The following PIAS2 variants were observed in gnomAD, a reference collection of about 807,000 sequenced individuals.
The protein encoded by PIAS2 is E3 SUMO-protein ligase PIAS2.
In PIAS2, 19 loss-of-function variants were observed where a neutral mutation model predicts 69.7. The observed-to-expected ratio is 0.27, with a 90% CI of 0.19 to 0.40. The LOEUF is 0.40. Ranked by LOEUF, PIAS2 falls within the 10% of genes least tolerant of loss-of-function variation. The pLI, the probability that PIAS2 is intolerant of heterozygous loss-of-function variation, is 1.00. For synonymous variants in PIAS2, 261 were observed against 263.2 expected (o/e 0.99, Z 0.08); for missense variants, 624 against 757.0 (o/e 0.82, Z 2.06).
intron 2 of PIAS2, among the ~76,000 whole-genome samples, chr18:46,884,160 G>A (rs1490712613): frequency 1.3e-5 from 2 of 152,134 alleles, no homozygotes; most frequent in African/African-American, 4.8e-5. Context: ...ATATGGTAAT[G>A]TTCCTTTTTC....
intron 1 of PIAS2, among the ~76,000 whole-genome samples, chr18:46,905,339 A>G (rs966164017): frequency 5.3e-5 from 8 of 152,220 alleles, no homozygotes; most frequent in African/African-American, 1.9e-4. Flanking sequence ...AATATCACAC[A>G]CATCAAAACA....
intron 3 of PIAS2, among the ~76,000 whole-genome samples, chr18:46,858,186 T>C (rs1423931198): frequency 6.8e-6 from 1 of 147,226 alleles, no homozygotes; most frequent in African/African-American, 2.5e-5. Flanking sequence ...CTAGTCAGAG[T>C]ACAGGTTGTT....
chr18:46,885,687 A>G lies in PIAS2; in HGVS notation c.499+4893T>C, dbSNP rs373009343. ...TGACAGAGCGAGACTCCGTCTCAAA[A>G]AAAAAAAACAGTGATAGGTAGGATT... is the stretch of plus-strand genomic sequence containing the variant. On this transcript the variant is annotated intron_variant, in intron 2 of 13. Coordinates refer to ENST00000585916, the MANE Select transcript of PIAS2 (RefSeq NM_004671.5). Among the ~76,000 whole-genome samples the G allele has an allele frequency of 1.8e-4, 28 of 152,256 alleles. No individual in the cohort carries two copies. In the East Asian group the frequency reaches 2.7e-3, roughly 15 times the overall value.
intron 1 of PIAS2, among the ~76,000 whole-genome samples, chr18:46,904,770 A>C (rs1220185614): frequency 1.3e-5 from 2 of 151,580 alleles, no homozygotes; most frequent in Admixed American, 6.6e-5. Context: ...AAAAAAAAAA[A>C]CAGAGATGGG....
chr18:46,829,613 T>C (rs1005184239), intron 10 of PIAS2, 121 bp downstream of exon 10: 3 of 818,502 alleles, frequency 3.7e-6, no homozygotes, highest in East Asian at 2.5e-5. Context: ...GGGAAAACTA[T>C]ATATCATCAA....
At chr18:46,912,208 T>A (rs752161296) in intron 1 of PIAS2, among the ~76,000 whole-genome samples, 22 of 152,206 alleles carry the variant, frequency 1.4e-4, no homozygotes, top group Non-Finnish European at 3.1e-4. Flanking sequence ...TCAGTATCCG[T>A]AGGGGGCTGG....
At position 46,821,049 on chromosome 18, in the gene PIAS2, G is replaced by A; in HGVS notation, c.1532C>T (p.Ser511Phe). 1 of 1,613,388 alleles carries A rather than the reference G, an allele frequency of 6.2e-7. No individual in the cohort carries two copies. The change falls in exon 12 of 14, where the codon TCT (serine) becomes TTT (phenylalanine). Residue 511 changes from serine (S) to phenylalanine (F), a missense_variant. Ser to Phe is a radical substitution (Grantham distance 155). Around this residue, in one of 3 missense-constraint regions of PIAS2, gnomAD observed 241 missense variants for 257.3 expected, o/e 0.94. Transcript: ENST00000585916. ...TKGVLMYQPSSVRVPSVTSVD... is the reference protein window; with the variant it reads ...TKGVLMYQPSFVRVPSVTSVD... ...CGAAGTCACACTGGGCACCCTTACA[G>A]AAGATGGCTGATACATGAGAACCCT...
At chr18:46,870,771 A>C (rs1046177234) in intron 2 of PIAS2, among the ~76,000 whole-genome samples, 12 of 152,162 alleles carry the variant, frequency 7.9e-5, no homozygotes, top group Non-Finnish European at 1.5e-4. Flanking sequence ...CAGGGGAAGA[A>C]AGAAGCATGA....
intron 12 of PIAS2, among the ~76,000 whole-genome samples, chr18:46,819,130 C>T (rs1366774185): frequency 1.3e-5 from 2 of 152,074 alleles, no homozygotes; most frequent in Non-Finnish European, 1.5e-5. Flanking sequence ...ATGCTCATTA[C>T]CTTTTTTCAG....
intron 2 of PIAS2, among the ~76,000 whole-genome samples, chr18:46,873,904 A>G (rs542211997): frequency 2.6e-5 from 4 of 152,006 alleles, no homozygotes; most frequent in Non-Finnish European, 5.9e-5. Flanking sequence ...CGCCATTCCC[A>G]TCTTCTCCCC....
At chr18:46,909,058 A>C (rs2056964401) in intron 1 of PIAS2, among the ~76,000 whole-genome samples, 1 of 152,158 alleles carries the variant, frequency 6.6e-6, no homozygotes, top group Non-Finnish European at 1.5e-5. Flanking sequence ...TGAAAGGAGA[A>C]ATTTGCACCA....
intron 5 of PIAS2, 40 bp from the exon 6 acceptor site, chr18:46,846,881 C>T (rs767038904): frequency 6.0e-5 from 91 of 1,513,528 alleles, no homozygotes; most frequent in Non-Finnish European, 7.7e-5. Context: ...AAATCATCTG[C>T]AGGAAGATTA....
chr18:46,905,040 T>C (rs1169576622), intron 1 of PIAS2, among the ~76,000 whole-genome samples: 1 of 152,192 alleles, frequency 6.6e-6, no homozygotes, highest in Admixed American at 6.5e-5. Flanking sequence ...GGCTACATAA[T>C]GAACATATAT....
At chr18:46,836,920 T>A (rs970665181) in intron 8 of PIAS2, among the ~76,000 whole-genome samples, 2 of 152,194 alleles carry the variant, frequency 1.3e-5, no homozygotes, top group African/African-American at 4.8e-5. Flanking sequence ...CAATACACAC[T>A]GTTTTCCAAC....
intron 12 of PIAS2, chr18:46,816,523 G>T: frequency 1.2e-6 from 1 of 832,662 alleles, no homozygotes; most frequent in Non-Finnish European, 1.4e-6. Flanking sequence ...TGTTGCCCAG[G>T]CTGGAGTGCA....
At chr18:46,891,667 A>G in intron 1 of PIAS2, 6 of 965,554 alleles carry the variant, frequency 6.2e-6, no homozygotes, top group Non-Finnish European at 7.4e-6. Context: ...TCAAACTTCT[A>G]AAACAACTGA....
chr18:46,856,261 A>T (rs1004552619), intron 3 of PIAS2, among the ~76,000 whole-genome samples: 1 of 151,864 alleles, frequency 6.6e-6, no homozygotes, highest in African/African-American at 2.4e-5. Context: ...TTGGCCTCCC[A>T]AAGTGTCTCA....
intron 2 of PIAS2, among the ~76,000 whole-genome samples, chr18:46,875,754 G>A (rs2156049): frequency 0.45 from 68,053 of 152,028 alleles, 15,310 homozygotes; most frequent in Middle Eastern, 0.52. Flanking sequence ...TATTCCATCC[G>A]CACTCTAAAC....
chr18:46,847,504 C>T (rs1243420255), intron 5 of PIAS2, among the ~76,000 whole-genome samples: 1 of 142,726 alleles, frequency 7.0e-6, no homozygotes, highest in Non-Finnish European at 1.5e-5. Context: ...TTTTTTGAGA[C>T]GGAGTCTGGC....
Sources: gnomAD v4.1 joint callset for allele counts (sites outside exome capture counted in the v4.1 genomes callset) on GRCh38, gnomAD v4.1.1 for gene constraint, gnomAD v4.1.1 regional missense constraint, MANE v1.5 for transcripts, NCBI Gene and HGNC (gene_info 2026-07-23, HGNC 2026-07-21) for gene names.